The following CPAMD8 variants were observed in gnomAD, a reference collection of about 807,000 sequenced individuals.
CPAMD8 encodes the protein C3 and PZP-like alpha-2-macroglobulin domain-containing protein 8.
In CPAMD8, 146 loss-of-function variants were observed where a neutral mutation model predicts 224.7. The observed-to-expected ratio is 0.65, with a 90% CI of 0.57 to 0.75. The LOEUF is 0.75. Among genes scored for constraint, CPAMD8 ranks in the 30% least tolerant of loss-of-function variants. CPAMD8 has a pLI of 0.00. For synonymous variants in CPAMD8, 966 were observed against 1,044.6 expected (o/e 0.92, Z 1.45); for missense variants, 2,301 against 2,537.5 (o/e 0.91, Z 2.00).
At position 16,897,961 on chromosome 19, in the gene CPAMD8, G is replaced by T. The variant is rs779917869; in HGVS notation, c.4882C>A (p.Arg1628Ser). ...PSRCLTCVRF[R>S]ALRECVVGRT... ...CCCACCACGCACTCCCGGAGAGCAC[G>T]GAACCGCACGCACGTCAGGCACCGG... Residue 1628 changes from arginine to serine, a missense_variant, in exon 38 of 42, where the codon CGT (arginine) becomes AGT (serine). Arg to Ser is a moderately radical substitution (Grantham distance 110, BLOSUM62 -1). Transcript: ENST00000443236. 1.2e-5 allele frequency: 20 copies of T among 1,611,032 alleles called. No homozygotes were observed. The East Asian group carries it at 2.9e-4, about 23-fold the overall frequency.
At position 17,011,777 on chromosome 19, in the gene CPAMD8, C is replaced by G. The variant is rs770118621; in HGVS notation, c.268-20G>C. 61 of 1,608,036 alleles carry G rather than the reference C, an allele frequency of 3.8e-5. No individual in the cohort carries two copies. In the Middle Eastern group the frequency reaches 2.5e-3, roughly 66 times the overall value. On this transcript the variant is annotated intron_variant, in intron 3 of 41. Coordinates refer to ENST00000443236, the MANE Select transcript of CPAMD8 (RefSeq NM_015692.5). Reference sequence around the variant, plus strand: ...GGGCACCTGCAGGCAGAGGAAGGAGCTTTGGGACAAGAATTCACCCTGGAA... The same window carrying G: ...GGGCACCTGCAGGCAGAGGAAGGAGGTTTGGGACAAGAATTCACCCTGGAA...
At chr19:16,923,238 T>C (rs1371483947) in intron 26 of CPAMD8, among the ~76,000 whole-genome samples, 1 of 151,352 alleles carries the variant, frequency 6.6e-6, no homozygotes, top group Non-Finnish European at 1.5e-5. Context: ...AGGAGAAGAG[T>C]GTGAGGAGAC....
intron 26 of CPAMD8, among the ~76,000 whole-genome samples, chr19:16,923,506 T>C (rs1185006692): frequency 6.6e-6 from 1 of 151,962 alleles, no homozygotes; most frequent in Non-Finnish European, 1.5e-5. Context: ...AGAAATTCTG[T>C]ACTGGGTGGG....
rs2052150109 is a variant in CPAMD8 at position 16,899,165 on chromosome 19, C to T, written c.4848+310G>A. On this transcript the variant is annotated intron_variant, in intron 37 of 41. Transcript: ENST00000443236. The surrounding 1 kb of genome is among the most constrained non-coding windows in gnomAD (Gnocchi z 5.4). ...TGAACTCCTGATCTCAGGTGATCCA[C>T]CTGCCTCAGTCTCCCAAAGTGATGG... Among the ~76,000 whole-genome samples the T allele has an allele frequency of 6.6e-6, 1 of 152,216 alleles. No individual in the cohort carries two copies. Among genetic ancestry groups the T allele is most frequent in the Non-Finnish European group, 1.5e-5 (1 of 68,042 alleles).
intron 30 of CPAMD8, 105 bp from the exon 31 acceptor site, chr19:16,904,657 C>T (rs999500595): frequency 1.3e-6 from 1 of 779,778 alleles, no homozygotes; most frequent in Non-Finnish European, 2.3e-6. Flanking sequence ...TATTGTGGGA[C>T]CCCAGTGGGA....
rs1167489979 is a variant in CPAMD8 at position 17,002,333 on chromosome 19, G to A, written c.691C>T (p.Leu231Phe). The A allele has an allele frequency of 6.2e-7, 1 of 1,606,216 alleles. No individual in the cohort carries two copies. Among genetic ancestry groups the A allele is most frequent in the South Asian group, 1.1e-5 (1 of 90,018 alleles). The change falls in exon 9 of 42, where the codon CTT becomes TTT. Residue 231 changes from leucine to phenylalanine, a missense_variant. Around this residue, in one of 4 missense-constraint regions of CPAMD8, gnomAD observed 283 missense variants for 340.6 expected, o/e 0.83. Coordinates refer to ENST00000443236, the MANE Select transcript of CPAMD8 (RefSeq NM_015692.5). ...ATATACCGGGGCGGGTCAATCAGAA[G>A]CTCAAACTTGGGCAACACTGAAGAA... Reference protein sequence around the residue: ...VQKYVLPKFELLIDPPRYIQD... With the variant: ...VQKYVLPKFEFLIDPPRYIQD...
chr19:17,001,454 T>TGGGGAGAGGACGCCC (rs2056318680), intron 9 of CPAMD8, among the ~76,000 whole-genome samples: 1 of 76,138 alleles, frequency 1.3e-5, no homozygotes, highest in Admixed American at 1.1e-4. Context: ...CATGGTGGGG[T>TGGGGAGAGGACGCCC]TGGGAGGGTC....
At chr19:16,910,086 A>G (rs1429071751) in intron 29 of CPAMD8, among the ~76,000 whole-genome samples, 1 of 152,082 alleles carries the variant, frequency 6.6e-6, no homozygotes, top group Non-Finnish European at 1.5e-5. Flanking sequence ...TCCTGGACCC[A>G]TGTGATCCAC....
chr19:16,997,766 C>A (rs1208573860), intron 10 of CPAMD8, among the ~76,000 whole-genome samples: 1 of 151,930 alleles, frequency 6.6e-6, no homozygotes, highest in Non-Finnish European at 1.5e-5. Context: ...GCATGAGAAT[C>A]GCTTGAACCC....
At chr19:17,015,920 G>C (rs193073965) in intron 3 of CPAMD8, among the ~76,000 whole-genome samples, 2 of 152,162 alleles carry the variant, frequency 1.3e-5, no homozygotes, top group Non-Finnish European at 2.9e-5. Context: ...CTCCCACAGG[G>C]AGAGAAGGCA....
chr19:16,896,812 T>G (rs925199497), intron 39 of CPAMD8, 147 bp from the exon 40 acceptor site: 33 of 469,814 alleles, frequency 7.0e-5, no homozygotes, highest in Middle Eastern at 5.5e-4. Context: ...TGGGAGGTCC[T>G]GAGCCCTGGC....
Position 16,897,970 on chromosome 19 carries a change from C to A in CPAMD8, c.4873G>T (p.Val1625Leu), listed in dbSNP as rs768412081. ...CACTCCCGGAGAGCACGGAACCGCA[C>A]GCACGTCAGGCACCGGCTGGGGATC... ...DEIPSRCLTC[V>L]RFRALRECVV... The change falls in exon 38 of 42, where the codon GTG (valine) becomes TTG (leucine). Residue 1625 changes from valine (V) to leucine (L), a missense_variant. Physicochemically the swap from Val to Leu is conservative, Grantham distance 32. This residue lies in a region of CPAMD8 where 1,709 missense variants were observed against 1,753.2 expected (regional missense o/e 0.97). Transcript: ENST00000443236. 6 of 1,610,856 alleles carry A rather than the reference C, an allele frequency of 3.7e-6. No homozygotes were observed. Among genetic ancestry groups the A allele is most frequent in the African/African-American group, 1.3e-5 (1 of 74,754 alleles).
chr19:17,023,766 G>C (rs1332959840), intron 1 of CPAMD8, among the ~76,000 whole-genome samples: 1 of 151,946 alleles, frequency 6.6e-6, no homozygotes, highest in Non-Finnish European at 1.5e-5. Context: ...ATTTTTGGTA[G>C]AGACTGGGTT....
Position 17,008,555 on chromosome 19 carries a change from G to A in CPAMD8, c.509C>T (p.Pro170Leu), listed in dbSNP as rs769119013. The A allele has an allele frequency of 6.2e-6, 10 of 1,613,908 alleles. No individual in the cohort carries two copies. The highest frequency in any genetic ancestry group is 8.5e-6 in the Non-Finnish European group (10 of 1,180,034). ...NEKLEAYILD[P>L]RGSRMIEWRH... Reference sequence around the variant, plus strand: ...CCACTCTATCATCCGAGAGCCTCGGGGGTCCTGTTGGTGGTGGAGGGGGAC... The same window carrying A: ...CCACTCTATCATCCGAGAGCCTCGGAGGTCCTGTTGGTGGTGGAGGGGGAC... The change falls in exon 7 of 42, where the codon CCC (proline) becomes CTC (leucine). Residue 170 changes from proline to leucine, a missense_variant. Pro to Leu is a moderately conservative substitution (Grantham distance 98). Transcript: ENST00000443236.
chr19:17,006,459 G>T (rs2056494869), intron 7 of CPAMD8, among the ~76,000 whole-genome samples: 1 of 151,644 alleles, frequency 6.6e-6, no homozygotes, highest in Admixed American at 6.6e-5. Flanking sequence ...AGAGGTAGAG[G>T]CTGCAGTGAG....
At position 16,966,192 on chromosome 19, in the gene CPAMD8, T is replaced by C. The variant is rs180705699; in HGVS notation, c.2213+4699A>G. ...GAGGCCTCAGAAATAACACCACGCA[T>C]CTACAACCATCTGATCTTTGACAAA... On this transcript the variant is annotated intron_variant, in intron 18 of 41. Coordinates refer to ENST00000443236, the MANE Select transcript of CPAMD8 (RefSeq NM_015692.5). Among the ~76,000 whole-genome samples, 472 of 152,218 alleles carry C rather than the reference T, an allele frequency of 3.1e-3. 2 individuals are homozygous for C. The highest frequency in any genetic ancestry group is 0.01 in the African/African-American group (426 of 41,534).
chr19:16,960,410 A>G (rs2054614019), intron 18 of CPAMD8, among the ~76,000 whole-genome samples: 2 of 152,106 alleles, frequency 1.3e-5, no homozygotes, highest in African/African-American at 4.8e-5. Context: ...AGGACTGGAA[A>G]ATCAAATGAT....
chr19:16,907,063 G>A lies in CPAMD8; in HGVS notation c.3916C>T (p.Leu1306=), dbSNP rs1422119179. ...ARHFLESAAP[L]AMDPYSCALT... ...GCACAGCTATAAGGGTCCATGGCCA[G>A]GGGCGCAGCAGACTCCAGGAAGTGC... Residue 1306 remains leucine, a synonymous_variant, in exon 30 of 42, where the codon CTG becomes TTG. Transcript: ENST00000443236. The A allele has an allele frequency of 6.9e-6, 11 of 1,602,708 alleles. No individual in the cohort carries two copies. Among genetic ancestry groups the A allele is most frequent in the South Asian group, 6.7e-5 (6 of 89,174 alleles).
chr19:16,988,304 T>C (rs1049733564), intron 13 of CPAMD8, among the ~76,000 whole-genome samples: 3 of 152,104 alleles, frequency 2.0e-5, no homozygotes, highest in African/African-American at 7.2e-5. Flanking sequence ...ACAGCCTAAA[T>C]GTCCATAACA....
Sources: gnomAD v4.1 joint callset for allele counts (sites outside exome capture counted in the v4.1 genomes callset) on GRCh38, gnomAD v4.1.1 for gene constraint, gnomAD v4.1.1 regional missense constraint, Gnocchi (gnomAD v3.1) non-coding constraint, MANE v1.5 for transcripts, NCBI Gene and HGNC (gene_info 2026-07-23, HGNC 2026-07-21) for gene names.